TNKS: variants seen among roughly 807,000 people sequenced by gnomAD.
TNKS encodes poly [ADP-ribose] polymerase tankyrase-1.
In TNKS, 72 loss-of-function variants were observed where a neutral mutation model predicts 135.8. The ratio of observed to expected loss-of-function variants is 0.53; its 90% CI spans 0.44 to 0.64. TNKS has a LOEUF of 0.64. Among genes scored for constraint, TNKS ranks in the 30% least tolerant of loss-of-function variants. The pLI, the probability that TNKS is intolerant of heterozygous loss-of-function variation, is 0.00. For synonymous variants in TNKS, 849 were observed against 649.3 expected (o/e 1.31, Z -4.68); for missense variants, 1,769 against 1,674.0 (o/e 1.06, Z -0.99).
At chr8:9,602,507 ACCACT>A (rs1202892769) in intron 2 of TNKS, among the ~76,000 whole-genome samples, 1 of 152,200 alleles carries the variant, frequency 6.6e-6, no homozygotes, top group African/African-American at 2.4e-5. Context: ...GCATTGAGCC[ACCACT>A]CAGATTAACT....
rs1054725721 is a variant in TNKS, at chr8:9,698,919, T to A, written c.1108-5744T>A. 2.0e-4 allele frequency among the ~76,000 whole-genome samples: 31 copies of A among 152,364 alleles called. 1 individual carries two copies. The South Asian group carries it at 2.3e-3, about 11-fold the overall frequency. ...AAGACCTTTTTTTCTGTTAACATTT[T>A]ATGATATGAAGATATCAGTGATAAG... On this transcript the variant is annotated intron_variant, in intron 5 of 26. Coordinates refer to ENST00000310430, the MANE Select transcript of TNKS (RefSeq NM_003747.3).
chr8:9,559,781 C>T (rs1286391656), intron 1 of TNKS, among the ~76,000 whole-genome samples: 1 of 152,102 alleles, frequency 6.6e-6, no homozygotes, highest in East Asian at 1.9e-4. Context: ...TTTATATTAC[C>T]TTAAGAATAA....
chr8:9,594,112 C>G (rs553530685), intron 2 of TNKS, among the ~76,000 whole-genome samples: 1 of 152,258 alleles, frequency 6.6e-6, no homozygotes, highest in African/African-American at 2.4e-5. Flanking sequence ...GTCTCAGACT[C>G]CTGACCTCAG....
At chr8:9,726,908 A>C (rs1805191414) in intron 13 of TNKS, among the ~76,000 whole-genome samples, 188 bp downstream of exon 13, 1 of 152,192 alleles carries the variant, frequency 6.6e-6, no homozygotes, top group Non-Finnish European at 1.5e-5. Context: ...AACCATTTGT[A>C]TATATATGTG....
At chr8:9,747,611 G>A (rs1377620451) in intron 17 of TNKS, among the ~76,000 whole-genome samples, 1 of 152,204 alleles carries the variant, frequency 6.6e-6, no homozygotes, top group Non-Finnish European at 1.5e-5. Context: ...GAAGATAAGA[G>A]AATCAATGTG....
chr8:9,763,337 G>C, intron 22 of TNKS, 93 bp downstream of exon 22: 4 of 746,016 alleles, frequency 5.4e-6, no homozygotes, highest in Non-Finnish European at 8.5e-6. Flanking sequence ...ATTGCCTTGC[G>C]GTCACATGCC....
intron 20 of TNKS, among the ~76,000 whole-genome samples, chr8:9,758,478 C>T (rs571505555): frequency 1.3e-5 from 2 of 152,110 alleles, no homozygotes; most frequent in Non-Finnish European, 2.9e-5. Flanking sequence ...GCCAAGATAG[C>T]GTAGGTAGAT....
At chr8:9,683,983 T>C (rs550273016) in intron 5 of TNKS, among the ~76,000 whole-genome samples, 1 of 152,072 alleles carries the variant, frequency 6.6e-6, no homozygotes, top group Admixed American at 6.5e-5. Context: ...TTTTTTTTTG[T>C]TCTAAAATGC....
intron 3 of TNKS, among the ~76,000 whole-genome samples, chr8:9,624,957 T>A (rs551586885): frequency 7.9e-5 from 12 of 152,278 alleles, no homozygotes. Flanking sequence ...GCTATTTAAA[T>A]CTGTAGTTGC....
intron 26 of TNKS, among the ~76,000 whole-genome samples, chr8:9,771,801 T>TA (rs137940834): frequency 1.2e-4 from 1 of 8,194 alleles, no homozygotes; most frequent in East Asian, 4.2e-3. Context: ...AGAAGGGAAG[T>TA]GGGGGAGGAA....
intron 1 of TNKS, chr8:9,575,104 T>G (rs1797896075): frequency 1.0e-6 from 1 of 980,916 alleles, no homozygotes. Context: ...TATTTTCTTT[T>G]GACACGGAGT....
intron 5 of TNKS, among the ~76,000 whole-genome samples, chr8:9,696,858 T>G (rs984764639): frequency 6.6e-6 from 1 of 152,168 alleles, no homozygotes; most frequent in African/African-American, 2.4e-5. Context: ...ATCAGTATCA[T>G]TAAAGTGGCC....
chr8:9,744,929 C>A (rs1306782129), intron 17 of TNKS, among the ~76,000 whole-genome samples: 1 of 152,138 alleles, frequency 6.6e-6, no homozygotes, highest in Non-Finnish European at 1.5e-5. Flanking sequence ...ACCAGATATA[C>A]AATTCATTTT....
intron 19 of TNKS, 93 bp from the exon 20 acceptor site, chr8:9,752,451 C>T: frequency 1.2e-6 from 1 of 840,502 alleles, no homozygotes; most frequent in Non-Finnish European, 1.9e-6. Context: ...ATCTGACAGC[C>T]AAGGTTGTCA....
intron 3 of TNKS, among the ~76,000 whole-genome samples, chr8:9,622,817 C>A (rs991190531): frequency 6.6e-6 from 1 of 152,122 alleles, no homozygotes; most frequent in Non-Finnish European, 1.5e-5. Context: ...TAAATTGATT[C>A]TTTGAACTTT....
chr8:9,666,626 A>G (rs902158804), intron 3 of TNKS, among the ~76,000 whole-genome samples: 2 of 152,054 alleles, frequency 1.3e-5, no homozygotes, highest in Non-Finnish European at 2.9e-5. Context: ...AGGATGAGGC[A>G]CAAGAATTGC....
intron 5 of TNKS, among the ~76,000 whole-genome samples, chr8:9,682,136 A>G (rs1585322040): frequency 6.6e-6 from 1 of 152,230 alleles, no homozygotes; most frequent in Non-Finnish European, 1.5e-5. Context: ...TTTTATTTGG[A>G]TTCTCCAAGT....
Position 9,611,832 on chromosome 8 carries a change from C to A in TNKS, c.899-3750C>A, listed in dbSNP as rs575850280. On this transcript the variant is annotated intron_variant, in intron 2 of 26. Coordinates refer to ENST00000310430, the MANE Select transcript of TNKS (RefSeq NM_003747.3). ...TAGTTTGGGACATTTAAGAATGTGT[C>A]TGATAACCTTCAGTGCTCCTGGTCT... Among the ~76,000 whole-genome samples, 17 of 152,262 alleles carry A rather than the reference C, an allele frequency of 1.1e-4. 2 individuals are homozygous for A. The highest frequency in any genetic ancestry group is 4.1e-4 in the African/African-American group (17 of 41,564).
chr8:9,668,869 T>G (rs1476490053), intron 3 of TNKS, among the ~76,000 whole-genome samples: 2 of 152,208 alleles, frequency 1.3e-5, no homozygotes, highest in East Asian at 3.8e-4. Flanking sequence ...TTAGTCTATA[T>G]TTTTAAAGGA....
Sources: gnomAD v4.1 joint callset for allele counts (sites outside exome capture counted in the v4.1 genomes callset) on GRCh38, gnomAD v4.1.1 for gene constraint, MANE v1.5 for transcripts, NCBI Gene and HGNC (gene_info 2026-07-23, HGNC 2026-07-21) for gene names.